The following SPATA17 variants were observed in gnomAD, a reference collection of about 807,000 sequenced individuals.
SPATA17 encodes spermatogenesis associated 17, also known as spermatogenesis-associated protein 17.
In SPATA17, 53 loss-of-function variants were observed where a neutral mutation model predicts 62.2. That is an observed-to-expected ratio of 0.85 (90% CI 0.68 to 1.07). The LOEUF (loss-of-function observed/expected upper bound fraction) is 1.07. Ranked by LOEUF, SPATA17 falls within the 50% of genes least tolerant of loss-of-function variation. The pLI, the probability that SPATA17 is intolerant of heterozygous loss-of-function variation, is 0.00. For synonymous variants in SPATA17, 146 were observed against 146.8 expected (o/e 0.99, Z 0.04); for missense variants, 466 against 425.5 (o/e 1.10, Z -0.84).
At chr1:217,749,979 CTCTCTCTATA>C (rs1460068060) in intron 6 of SPATA17, among the ~76,000 whole-genome samples, 118 of 30,904 alleles carry the variant, frequency 3.8e-3, no homozygotes, top group Non-Finnish European at 6.1e-3. Flanking sequence ...CTCTCTCTCT[CTCTCTCTATA>C]TATATATATA....
At chr1:217,850,014 T>A (rs917912785) in intron 9 of SPATA17, among the ~76,000 whole-genome samples, 14 of 152,110 alleles carry the variant, frequency 9.2e-5, no homozygotes, top group Non-Finnish European at 1.5e-5. Flanking sequence ...TTGGGGTCGC[T>A]GCTGTCTGCT....
intron 5 of SPATA17, among the ~76,000 whole-genome samples, chr1:217,711,500 C>T (rs1671862781): frequency 6.6e-6 from 1 of 152,110 alleles, no homozygotes; most frequent in African/African-American, 2.4e-5. Context: ...ATAGTTTTTC[C>T]ACTTTCTAGC....
In SPATA17 at chr1:217,654,331, G is replaced by C. The variant is rs115809528; in HGVS notation, c.240+3153G>C. 7.8e-3 allele frequency among the ~76,000 whole-genome samples: 1,188 copies of C among 151,716 alleles called. 19 individuals are homozygous for C. The highest frequency in any genetic ancestry group is 0.027 in the African/African-American group (1,113 of 41,358). ...TTTCTTGTGTTTTTGGTATAGACAGGGTTTCTCCCTGTTGGCCAGGCTGGT... is the reference window on the plus strand; with the variant it reads ...TTTCTTGTGTTTTTGGTATAGACAGCGTTTCTCCCTGTTGGCCAGGCTGGT... On this transcript the variant is annotated intron_variant, in intron 3 of 10. Coordinates refer to ENST00000366933, the MANE Select transcript of SPATA17 (RefSeq NM_138796.4).
At chr1:217,748,358 A>G (rs568270851) in intron 6 of SPATA17, among the ~76,000 whole-genome samples, 6 of 151,944 alleles carry the variant, frequency 3.9e-5, no homozygotes, top group South Asian at 4.2e-4. Flanking sequence ...TAGTCTGTTG[A>G]TATGAAAAAC....
chr1:217,788,647 G>A (rs1673922179), intron 8 of SPATA17, among the ~76,000 whole-genome samples: 2 of 152,010 alleles, frequency 1.3e-5, no homozygotes. Context: ...TAAAGATGGG[G>A]CATGAGCACC....
intron 4 of SPATA17, among the ~76,000 whole-genome samples, chr1:217,677,449 G>T (rs962581722): frequency 6.6e-6 from 1 of 151,612 alleles, no homozygotes; most frequent in East Asian, 1.9e-4. Context: ...TAATGACCCC[G>T]AGATTACATA....
At chr1:217,676,042 T>A (rs1670940033) in intron 4 of SPATA17, among the ~76,000 whole-genome samples, 1 of 152,208 alleles carries the variant, frequency 6.6e-6, no homozygotes, top group African/African-American at 2.4e-5. Flanking sequence ...TTATTGGTAG[T>A]ACATTTCACG....
chr1:217,705,180 A>C (rs932668217), intron 5 of SPATA17, among the ~76,000 whole-genome samples: 1 of 151,990 alleles, frequency 6.6e-6, no homozygotes, highest in African/African-American at 2.4e-5. Context: ...TTTCATATTC[A>C]TGTTGGCCAC....
At chr1:217,722,867 G>T (rs1168192370) in intron 5 of SPATA17, among the ~76,000 whole-genome samples, 1 of 151,992 alleles carries the variant, frequency 6.6e-6, no homozygotes, top group East Asian at 1.9e-4. Flanking sequence ...AGTCCCTCTG[G>T]TGTTCTGGAT....
At chr1:217,796,523 A>G (rs1421664523) in intron 8 of SPATA17, among the ~76,000 whole-genome samples, 1 of 152,226 alleles carries the variant, frequency 6.6e-6, no homozygotes, top group African/African-American at 2.4e-5. Flanking sequence ...TGCCACTTGC[A>G]TTCTTTATAT....
At chr1:217,687,951 C>T (rs902758878) in intron 5 of SPATA17, among the ~76,000 whole-genome samples, 1 of 152,126 alleles carries the variant, frequency 6.6e-6, no homozygotes, top group African/African-American at 2.4e-5. Flanking sequence ...TTTCTGTTTC[C>T]TTTTATATAT....
intron 9 of SPATA17, among the ~76,000 whole-genome samples, chr1:217,838,758 G>A (rs1401161458): frequency 3.9e-5 from 6 of 151,970 alleles, no homozygotes; most frequent in East Asian, 1.9e-4. Flanking sequence ...TCTCTTAATC[G>A]AGAGATAAGA....
intron 3 of SPATA17, among the ~76,000 whole-genome samples, chr1:217,656,401 A>T (rs1670442079): frequency 6.6e-6 from 1 of 152,164 alleles, no homozygotes; most frequent in Non-Finnish European, 1.5e-5. Flanking sequence ...CAGTATAATC[A>T]CCAAATGATT....
At chr1:217,813,192 A>G (rs1310578401) in intron 9 of SPATA17, among the ~76,000 whole-genome samples, 1 of 152,208 alleles carries the variant, frequency 6.6e-6, no homozygotes, top group African/African-American at 2.4e-5. Context: ...AATGTGGCAC[A>G]TCGTTGTCTG....
chr1:217,824,068 C>G (rs1188878350), intron 9 of SPATA17, among the ~76,000 whole-genome samples: 1 of 151,942 alleles, frequency 6.6e-6, no homozygotes, highest in Admixed American at 6.6e-5. Context: ...AAAATCCATT[C>G]AGCCACTCTG....
rs1056115995 is a variant in SPATA17 at position 217,869,556 on chromosome 1, A to C, written c.*2537A>C. ...CCATTGCAAAATATGTCAAAAATAT[A>C]TATTTTAGGGTAAAATGCCTCAATT... On this transcript the variant is annotated 3_prime_UTR_variant, in exon 11 of 11. Transcript: ENST00000366933. The C allele has an allele frequency of 1.3e-5, 2 of 152,148 alleles. No individual in the cohort carries two copies. Among genetic ancestry groups the C allele is most frequent in the Non-Finnish European group, 2.9e-5 (2 of 68,040 alleles). The allele number at this position is 152,148 out of a possible 1,614,324, so 9.4% of individuals were successfully genotyped here. A position where few individuals can be genotyped will look rare whatever the true frequency, so the allele number is the denominator to read the frequency against.
intron 9 of SPATA17, among the ~76,000 whole-genome samples, chr1:217,823,360 T>C (rs1674915519): frequency 6.6e-6 from 1 of 151,950 alleles, no homozygotes; most frequent in African/African-American, 2.4e-5. Context: ...TACAAAAGTC[T>C]TTTTCTTTTT....
chr1:217,801,988 G>A, intron 9 of SPATA17, 138 bp downstream of exon 9: 1 of 917,514 alleles, frequency 1.1e-6, no homozygotes, highest in East Asian at 2.9e-5. Context: ...TTTAGGTAAA[G>A]ATGGTGCTGC....
intron 3 of SPATA17, among the ~76,000 whole-genome samples, chr1:217,653,907 T>C (rs758194709): frequency 1.3e-5 from 2 of 152,174 alleles, no homozygotes; most frequent in Non-Finnish European, 2.9e-5. Context: ...CCAAACTTAA[T>C]TTATACCATT....
Sources: gnomAD v4.1 joint callset for allele counts (sites outside exome capture counted in the v4.1 genomes callset) on GRCh38, gnomAD v4.1.1 for gene constraint, MANE v1.5 for transcripts, NCBI Gene and HGNC (gene_info 2026-07-23, HGNC 2026-07-21) for gene names.